The following MET variants were observed in gnomAD, a reference collection of about 807,000 sequenced individuals.
The protein encoded by MET is MET proto-oncogene, receptor tyrosine kinase, also known as hepatocyte growth factor receptor.
Under a neutral mutation model 133.1 loss-of-function variants are expected in MET, and 48 were observed. The observed-to-expected ratio is 0.36, with a 90% confidence interval of 0.29 to 0.46. MET has a LOEUF of 0.46. Ranked by LOEUF, MET falls within the 20% of genes least tolerant of loss-of-function variation. The probability of loss-of-function intolerance (pLI) is 1.00; values close to 1 mark genes in which losing one functional copy is unlikely to be tolerated. For synonymous variants in MET, 628 were observed against 616.5 expected (o/e 1.02, Z -0.28); for missense variants, 1,442 against 1,695.9 (o/e 0.85, Z 2.63).
At chr7:116,744,642 C>G (rs940109529) in intron 5 of MET, among the ~76,000 whole-genome samples, 62 of 152,094 alleles carry the variant, frequency 4.1e-4, no homozygotes, top group African/African-American at 1.5e-3. Context: ...GAGAACTTCC[C>G]CAACCTAGCA....
intron 2 of MET, among the ~76,000 whole-genome samples, chr7:116,722,878 A>T (rs1357279459): frequency 5.9e-4 from 88 of 149,358 alleles, no homozygotes; most frequent in East Asian, 5.9e-4. Flanking sequence ...CTTCCCTTTG[A>T]GGGTAACCCG....
At chr7:116,741,177 C>G (rs948862756) in intron 5 of MET, 152 bp downstream of exon 5, 11 of 854,816 alleles carry the variant, frequency 1.3e-5, no homozygotes, top group African/African-American at 1.7e-5. Flanking sequence ...TGTGAGTCAT[C>G]AGCTAAAGCA....
chr7:116,733,045 C>T (rs909205753), intron 3 of MET, among the ~76,000 whole-genome samples: 1 of 152,004 alleles, frequency 6.6e-6, no homozygotes, highest in Non-Finnish European at 1.5e-5. Flanking sequence ...CTGTCCATTC[C>T]ACTGTGCTTG....
At chr7:116,737,779 C>A (rs1793277403) in intron 3 of MET, among the ~76,000 whole-genome samples, 1 of 152,122 alleles carries the variant, frequency 6.6e-6, no homozygotes, top group South Asian at 2.1e-4. Context: ...GTGCAAAGAG[C>A]TTCCGAAAAG....
chr7:116,759,909 G>A (rs1296993780), intron 10 of MET, among the ~76,000 whole-genome samples: 4 of 152,130 alleles, frequency 2.6e-5, no homozygotes, highest in Non-Finnish European at 5.9e-5. Flanking sequence ...CCAAGTAGCT[G>A]AGACTACAGG....
intron 2 of MET, among the ~76,000 whole-genome samples, chr7:116,716,499 AAG>A (rs1166176802): frequency 1.3e-5 from 2 of 150,970 alleles, no homozygotes; most frequent in East Asian, 2.0e-4. Flanking sequence ...GAAAGAAAGA[AAG>A]AAAGAAAGAA....
At chr7:116,794,335 T>C (rs1341735923) in intron 19 of MET, among the ~76,000 whole-genome samples, 1 of 152,112 alleles carries the variant, frequency 6.6e-6, no homozygotes, top group African/African-American at 2.4e-5. Context: ...TTGTCAGAAG[T>C]GATTGTTGAT....
rs916004644 is a variant in MET at position 116,699,077 on chromosome 7, C to A, written c.-8C>A. ...CTTGAACCTGTTTTGGCAGATAAACCTCTCATAATGAAGGCCCCCGCTGTG... is the reference window on the plus strand; with the variant it reads ...CTTGAACCTGTTTTGGCAGATAAACATCTCATAATGAAGGCCCCCGCTGTG... On this transcript the variant is annotated 5_prime_UTR_variant, in exon 2 of 21. Coordinates refer to ENST00000397752, the MANE Select transcript of MET (RefSeq NM_000245.4). The A allele has an allele frequency of 6.2e-7, 1 of 1,613,762 alleles. No individual in the cohort carries two copies. The highest frequency in any genetic ancestry group is 8.5e-7 in the Non-Finnish European group (1 of 1,179,808).
chr7:116,788,107 G>A (rs1048281308), intron 19 of MET, among the ~76,000 whole-genome samples: 1 of 152,140 alleles, frequency 6.6e-6, no homozygotes, highest in Non-Finnish European at 1.5e-5. Flanking sequence ...CCATTTATAT[G>A]AAATTTCTAG....
At chr7:116,754,910 A>AGAAAGAAG (rs1794077476) in intron 5 of MET, among the ~76,000 whole-genome samples, 1 of 110,410 alleles carries the variant, frequency 9.1e-6, no homozygotes, top group African/African-American at 2.9e-5. Context: ...AAAGAAAGAA[A>AGAAAGAAG]GAAAGAAAGA....
chr7:116,779,936 TA>T (rs1424041665), intron 17 of MET, among the ~76,000 whole-genome samples: 1 of 152,152 alleles, frequency 6.6e-6, no homozygotes, highest in African/African-American at 2.4e-5. Flanking sequence ...AATAAACAAA[TA>T]AACAATAGCT....
chr7:116,744,291 A>T (rs1215887064), intron 5 of MET, among the ~76,000 whole-genome samples: 1 of 152,122 alleles, frequency 6.6e-6, no homozygotes, highest in African/African-American at 2.4e-5. Flanking sequence ...AAGAACCTTG[A>T]AAAAAAAGCT....
intron 2 of MET, among the ~76,000 whole-genome samples, chr7:116,727,986 G>A (rs1422540708): frequency 6.6e-6 from 1 of 152,182 alleles, no homozygotes; most frequent in Non-Finnish European, 1.5e-5. Flanking sequence ...AGCTCTGTAA[G>A]CCAGTCCCTG....
At chr7:116,792,588 A>G (rs966632916) in intron 19 of MET, among the ~76,000 whole-genome samples, 1 of 151,542 alleles carries the variant, frequency 6.6e-6, no homozygotes, top group Admixed American at 6.6e-5. Flanking sequence ...CAGCCCCACA[A>G]TGCTTTCAGG....
At chr7:116,784,312 T>C (rs528922966) in intron 19 of MET, among the ~76,000 whole-genome samples, 1 of 152,158 alleles carries the variant, frequency 6.6e-6, no homozygotes, top group South Asian at 2.1e-4. Flanking sequence ...TCTGGTAATG[T>C]GGAAACAAAA....
intron 2 of MET, among the ~76,000 whole-genome samples, chr7:116,709,345 G>A (rs980297714): frequency 1.3e-5 from 2 of 152,266 alleles, no homozygotes; most frequent in Middle Eastern, 3.4e-3. Context: ...AAACAATAGT[G>A]TTGATTTTAT....
chr7:116,774,961 A>G lies in MET; in HGVS notation c.3109A>G (p.Ser1037Gly), dbSNP rs1794948966. Residue 1037 changes from serine to glycine, a missense_variant, in exon 15 of 21, where the codon AGT becomes GGT. By Grantham distance (56) the Ser-to-Gly change is moderately conservative. Transcript: ENST00000397752. The stretch of plus-strand genomic sequence containing the variant: ...GACAGACATGTCCCCCATCCTAACT[A>G]GTGGGGACTCTGATATATCCAGTCC... Reference protein sequence around the residue: ...PLTDMSPILTSGDSDISSPLL... With the variant: ...PLTDMSPILTGGDSDISSPLL... 6.2e-7 allele frequency: 1 copy of G among 1,614,070 alleles called. No homozygotes were observed. The highest frequency in any genetic ancestry group is 8.5e-7 in the Non-Finnish European group (1 of 1,179,972).
chr7:116,696,614 A>C (rs985429214), intron 1 of MET, among the ~76,000 whole-genome samples: 1 of 151,772 alleles, frequency 6.6e-6, no homozygotes, highest in African/African-American at 2.4e-5. Context: ...ACCTTCCTTG[A>C]CTCCTGCATA....
chr7:116,783,159 T>C, intron 18 of MET, 145 bp from the exon 19 acceptor site: 2 of 867,418 alleles, frequency 2.3e-6, no homozygotes, highest in Middle Eastern at 3.3e-4. Context: ...TAATTTAGTG[T>C]TAGTCAATAG....
Sources: gnomAD v4.1 joint callset for allele counts (sites outside exome capture counted in the v4.1 genomes callset) on GRCh38, gnomAD v4.1.1 for gene constraint, MANE v1.5 for transcripts, NCBI Gene and HGNC (gene_info 2026-07-23, HGNC 2026-07-21) for gene names.